ANKRD44: variants seen among roughly 807,000 people sequenced by gnomAD.
ANKRD44 encodes serine/threonine-protein phosphatase 6 regulatory ankyrin repeat subunit B.
A neutral mutation model predicts 116.0 loss-of-function variants in ANKRD44; 35 were observed. That is an observed-to-expected ratio of 0.30 (90% CI 0.23 to 0.40). ANKRD44 has a LOEUF of 0.40. Ranked by LOEUF, ANKRD44 falls within the 10% of genes least tolerant of loss-of-function variation. ANKRD44 has a pLI of 1.00. For missense variants in ANKRD44, 1,014 were observed against 1,242.6 expected (o/e 0.82, Z 2.77); for synonymous variants, 435 against 461.8 (o/e 0.94, Z 0.74).
intron 18 of ANKRD44, among the ~76,000 whole-genome samples, 155 bp from the exon 19 acceptor site, chr2:197,009,186 G>C (rs1327314449): frequency 1.3e-5 from 2 of 152,042 alleles, no homozygotes; most frequent in African/African-American, 4.8e-5. Context: ...CCACCTCCCA[G>C]GTTCAAGCTA....
intron 1 of ANKRD44, among the ~76,000 whole-genome samples, chr2:197,190,366 T>C (rs1249769419): frequency 6.6e-6 from 1 of 152,240 alleles, no homozygotes; most frequent in African/African-American, 2.4e-5. Context: ...TTCACAATTA[T>C]GAATTTAAGC....
Position 197,165,376 on chromosome 2 carries a change from G to T in ANKRD44, c.112-18271C>A, listed in dbSNP as rs114111819. On this transcript the variant is annotated intron_variant, in intron 2 of 27. Transcript: ENST00000282272. The stretch of plus-strand genomic sequence containing the variant: ...TGTCACCTGACAGAGGAGCTGACCG[G>T]ACAAGCCTTCATCTTTAGTGAACAA... Among the ~76,000 whole-genome samples, 916 of 152,308 alleles carry T rather than the reference G, an allele frequency of 6.0e-3. 2 individuals carry two copies. The highest frequency in any genetic ancestry group is 7.4e-3 in the Non-Finnish European group (502 of 68,026).
rs200764045 is a variant in ANKRD44, at chr2:197,122,786, A to G, written c.557T>C (p.Leu186Ser). The change falls in exon 7 of 28, where the codon TTG (leucine) becomes TCG (serine). Residue 186 changes from leucine (L) to serine (S), a missense_variant. Leu to Ser is a moderately radical substitution (Grantham distance 145). Transcript: ENST00000282272. ...ALHWAAYMGH[L>S]DVVALLINHG... ...GTTAATGAGCAATGCTACAACATCC[A>G]AGTGGCCTTTACAAACAAAGCAGCA... The G allele has an allele frequency of 3.5e-5, 56 of 1,612,814 alleles. No individual in the cohort carries two copies. The highest frequency in any genetic ancestry group is 4.5e-5 in the Non-Finnish European group (53 of 1,179,568).
In ANKRD44 at chr2:197,136,424, A is replaced by G; in HGVS notation, c.261+168T>C. 6.2e-6 allele frequency: 4 copies of G among 645,428 alleles called. No homozygotes were observed. In the South Asian group the frequency reaches 7.4e-5, roughly 12 times the overall value. 40.0% of individuals were successfully genotyped at this position (645,428 alleles called of 1,614,324 possible). On this transcript the variant is annotated intron_variant, in intron 4 of 27. Coordinates refer to ENST00000282272, the MANE Select transcript of ANKRD44 (RefSeq NM_001195144.2). The stretch of plus-strand genomic sequence containing the variant: ...ATACTCCCCAGCCCCACTCAGCACT[A>G]TGTCTGGCACACAGGAGATACTCAA...
rs952201023 is a variant in ANKRD44, at chr2:197,310,650, A to C, written c.-46T>G. On this transcript the variant is annotated 5_prime_UTR_variant, in exon 1 of 28. Transcript: ENST00000282272. ...ACACACATGCAGGTCCCCGGCCCGC[A>C]GATGTCACGCCGGGAGCCGGGGAAG... 2.3e-6 allele frequency: 3 copies of C among 1,330,834 alleles called. No individual in the cohort carries two copies. The African/African-American group carries it at 4.7e-5, about 21-fold the overall frequency. 82.4% of individuals were successfully genotyped at this position (1,330,834 alleles called of 1,614,324 possible).
At chr2:197,159,420 G>A (rs987933397) in intron 2 of ANKRD44, among the ~76,000 whole-genome samples, 1 of 152,234 alleles carries the variant, frequency 6.6e-6, no homozygotes, top group East Asian at 1.9e-4. Context: ...TTGTTTGACT[G>A]TGTTTCAAGA....
intron 3 of ANKRD44, among the ~76,000 whole-genome samples, chr2:197,137,505 G>T (rs1218379488): frequency 6.6e-6 from 1 of 152,222 alleles, no homozygotes; most frequent in East Asian, 1.9e-4. Context: ...CTGGAAAATA[G>T]AAACTTTTTT....
At chr2:197,247,205 G>T (rs1363196723) in intron 1 of ANKRD44, among the ~76,000 whole-genome samples, 1 of 152,142 alleles carries the variant, frequency 6.6e-6, no homozygotes, top group Non-Finnish European at 1.5e-5. Context: ...TCTCATCTCT[G>T]AACATGACGC....
chr2:197,240,549 C>T (rs968590860), intron 1 of ANKRD44, among the ~76,000 whole-genome samples: 2 of 151,210 alleles, frequency 1.3e-5, no homozygotes, highest in Non-Finnish European at 2.9e-5. Flanking sequence ...GTGACACTAG[C>T]AACAGTTGCT....
intron 1 of ANKRD44, among the ~76,000 whole-genome samples, chr2:197,237,332 C>A (rs546854360): frequency 6.6e-6 from 1 of 152,286 alleles, no homozygotes; most frequent in East Asian, 1.9e-4. Flanking sequence ...GTTTGGAAAA[C>A]AAATATTTTC....
At chr2:197,237,283 C>A (rs1184066888) in intron 1 of ANKRD44, among the ~76,000 whole-genome samples, 6 of 152,158 alleles carry the variant, frequency 3.9e-5, no homozygotes, top group Non-Finnish European at 8.8e-5. Context: ...ATTATTAAAT[C>A]ATCTTTTCTA....
intron 25 of ANKRD44, among the ~76,000 whole-genome samples, chr2:196,998,050 C>T (rs112051360): frequency 9.9e-4 from 150 of 151,518 alleles, no homozygotes; most frequent in Admixed American, 1.3e-3. Flanking sequence ...GAGACAGATA[C>T]GATGGCAGCA....
At chr2:197,229,534 T>C (rs1258536186) in intron 1 of ANKRD44, among the ~76,000 whole-genome samples, 1 of 152,206 alleles carries the variant, frequency 6.6e-6, no homozygotes, top group Non-Finnish European at 1.5e-5. Context: ...ATAACTAGTT[T>C]CTCATTTTGA....
chr2:197,023,880 A>C (rs558780504), intron 17 of ANKRD44, among the ~76,000 whole-genome samples: 122 of 152,300 alleles, frequency 8.0e-4, no homozygotes, highest in Middle Eastern at 3.4e-3. Flanking sequence ...CACATTTTCC[A>C]CAGTAAGTCC....
intron 2 of ANKRD44, among the ~76,000 whole-genome samples, chr2:197,150,608 AC>A (rs1241616374): frequency 6.6e-6 from 1 of 151,408 alleles, no homozygotes; most frequent in Non-Finnish European, 1.5e-5. Context: ...TAGTCTAAAA[AC>A]CCTTCTACTA....
rs79747790 is a variant in ANKRD44 at position 197,127,131 on chromosome 2, G to A, written c.262-1094C>T. Among the ~76,000 whole-genome samples the A allele has an allele frequency of 3.7e-3, 571 of 152,334 alleles. 5 individuals are homozygous for A. The highest frequency in any genetic ancestry group is 0.013 in the African/African-American group (533 of 41,580). On this transcript the variant is annotated intron_variant, in intron 4 of 27. Transcript: ENST00000282272. ...GCTTTATTTTATAGGCAAGATGACAGAAGTCCAGGGCAATGACCTGTCAGC... is the reference window on the plus strand; with the variant it reads ...GCTTTATTTTATAGGCAAGATGACAAAAGTCCAGGGCAATGACCTGTCAGC...
chr2:197,271,611 T>G (rs1201736210), intron 1 of ANKRD44, among the ~76,000 whole-genome samples: 1 of 152,214 alleles, frequency 6.6e-6, no homozygotes, highest in African/African-American at 2.4e-5. Flanking sequence ...ACTAATGCAT[T>G]GCAAATCAGG....
intron 10 of ANKRD44, among the ~76,000 whole-genome samples, chr2:197,094,332 C>T (rs1158255732): frequency 6.6e-6 from 1 of 152,202 alleles, no homozygotes; most frequent in Non-Finnish European, 1.5e-5. Context: ...ATTACAGTGA[C>T]TCTATCATGG....
At chr2:197,204,498 A>T (rs1029990087) in intron 1 of ANKRD44, among the ~76,000 whole-genome samples, 1 of 152,202 alleles carries the variant, frequency 6.6e-6, no homozygotes, top group African/African-American at 2.4e-5. Flanking sequence ...TGACATAATG[A>T]TTCAGGTAGG....
Sources: allele counts gnomAD v4.1 joint callset (sites outside exome capture counted in the v4.1 genomes callset), GRCh38; gene constraint gnomAD v4.1.1; transcripts MANE v1.5; gene names NCBI Gene and HGNC (gene_info 2026-07-23, HGNC 2026-07-21).